Variants in CHCHD6 observed in about 807,000 individuals in gnomAD.
CHCHD6 encodes the protein coiled-coil-helix-coiled-coil-helix domain containing 6, also known as MICOS complex subunit MIC25.
In CHCHD6, 28 loss-of-function variants were observed where a neutral mutation model predicts 32.3. The ratio of observed to expected loss-of-function variants is 0.87; its 90% confidence interval spans 0.64 to 1.19. The LOEUF (loss-of-function observed/expected upper bound fraction) is 1.19, where lower values mean the gene tolerates loss of function less well. Ranked by LOEUF, CHCHD6 falls within the 50% of genes most tolerant of loss-of-function variation. CHCHD6 has a pLI of 0.00. For synonymous variants in CHCHD6, 122 were observed against 117.5 expected, an observed-to-expected ratio of 1.04 and a Z score of -0.25; for missense variants, 333 against 307.0, an observed-to-expected ratio of 1.08 and a Z score of -0.63.
At chr3:126,849,028 A>T (rs1179136874) in intron 4 of CHCHD6, among the ~76,000 whole-genome samples, 1 of 152,202 alleles carries the variant, frequency 6.6e-6, no homozygotes, top group Admixed American at 6.5e-5. Flanking sequence ...GGTCCTGGTG[A>T]TATTGCAGAG....
chr3:126,913,878 A>G (rs943958163), intron 5 of CHCHD6, among the ~76,000 whole-genome samples: 1 of 152,244 alleles, frequency 6.6e-6, no homozygotes, highest in East Asian at 1.9e-4. Context: ...GAGGCACAGC[A>G]AAGTTCCATA....
At chr3:126,887,903 C>T (rs1307423178) in intron 5 of CHCHD6, among the ~76,000 whole-genome samples, 1 of 152,220 alleles carries the variant, frequency 6.6e-6, no homozygotes, top group African/African-American at 2.4e-5. Flanking sequence ...AATCCACACC[C>T]ACTCTTCTTT....
chr3:126,929,668 C>A (rs886122421), intron 6 of CHCHD6, among the ~76,000 whole-genome samples: 1 of 152,040 alleles, frequency 6.6e-6, no homozygotes, highest in African/African-American at 2.4e-5. Flanking sequence ...TGGGTTCAAG[C>A]GATTCTCCTG....
At chr3:126,892,406 A>G (rs2077775183) in intron 5 of CHCHD6, among the ~76,000 whole-genome samples, 1 of 152,194 alleles carries the variant, frequency 6.6e-6, no homozygotes, top group Non-Finnish European at 1.5e-5. Context: ...ATTCTTCCAC[A>G]GCATCCCCAA....
At chr3:126,914,520 T>C (rs536389690) in intron 5 of CHCHD6, among the ~76,000 whole-genome samples, 160 bp from the exon 6 acceptor site, 3 of 152,344 alleles carry the variant, frequency 2.0e-5, no homozygotes, top group East Asian at 1.9e-4. Flanking sequence ...GCAGCAGCCA[T>C]GCGTGGTGGA....
intron 6 of CHCHD6, among the ~76,000 whole-genome samples, chr3:126,945,849 A>G (rs1200699889): frequency 6.6e-6 from 1 of 151,714 alleles, no homozygotes. Flanking sequence ...TGAGGGGGGA[A>G]GTGAATTAGC....
At chr3:126,830,265 C>T (rs1049464372) in intron 4 of CHCHD6, among the ~76,000 whole-genome samples, 1 of 152,136 alleles carries the variant, frequency 6.6e-6, no homozygotes, top group African/African-American at 2.4e-5. Flanking sequence ...TTGGCCACCT[C>T]GTGTCATTAT....
At chr3:126,801,046 T>C (rs1235563116) in intron 4 of CHCHD6, among the ~76,000 whole-genome samples, 1 of 152,120 alleles carries the variant, frequency 6.6e-6, no homozygotes, top group Non-Finnish European at 1.5e-5. Flanking sequence ...ATGACCAAAA[T>C]AAAAACCGAT....
intron 4 of CHCHD6, among the ~76,000 whole-genome samples, chr3:126,792,933 T>A (rs1454106392): frequency 2.6e-5 from 4 of 152,192 alleles, no homozygotes; most frequent in African/African-American, 9.6e-5. Context: ...GTTTGGTGCA[T>A]ACGCATTAAG....
rs79405521 is a variant in CHCHD6, at chr3:126,712,619, C to T, written c.87+8220C>T. On this transcript the variant is annotated intron_variant, in intron 1 of 7. Coordinates refer to ENST00000290913, the MANE Select transcript of CHCHD6 (RefSeq NM_032343.3). ...CCTCTATTGGAAGGGGTCGCTCCTG[C>T]TCTCCGCAGTGGCACTAGTGTCCAG... Among the ~76,000 whole-genome samples the T allele has an allele frequency of 1.2e-4, 19 of 152,310 alleles. No homozygotes were observed. The East Asian group carries it at 3.1e-3, about 25-fold the overall frequency.
intron 4 of CHCHD6, among the ~76,000 whole-genome samples, chr3:126,843,029 C>A (rs1357969390): frequency 6.6e-6 from 1 of 151,662 alleles, no homozygotes; most frequent in African/African-American, 2.4e-5. Flanking sequence ...AATATTACAC[C>A]AATAAGCATG....
chr3:126,731,264 C>T (rs1207312235), intron 3 of CHCHD6, among the ~76,000 whole-genome samples: 1 of 152,056 alleles, frequency 6.6e-6, no homozygotes, highest in Admixed American at 6.6e-5. Flanking sequence ...GAACTGGCTC[C>T]AGGATGTTGG....
intron 6 of CHCHD6, among the ~76,000 whole-genome samples, chr3:126,951,158 G>T (rs1433187745): frequency 1.3e-5 from 2 of 152,182 alleles, no homozygotes; most frequent in East Asian, 3.9e-4. Flanking sequence ...TTTATAAGGG[G>T]CTCTTCCCGC....
chr3:126,819,058 C>G (rs765562837), intron 4 of CHCHD6, among the ~76,000 whole-genome samples: 10 of 152,222 alleles, frequency 6.6e-5, no homozygotes, highest in Non-Finnish European at 8.8e-5. Context: ...TGTCCCCACC[C>G]CATGCATTCT....
chr3:126,919,115 A>G (rs961500071), intron 6 of CHCHD6, among the ~76,000 whole-genome samples: 2 of 152,154 alleles, frequency 1.3e-5, no homozygotes, highest in African/African-American at 4.8e-5. Flanking sequence ...ATGGTCCAGT[A>G]TATGATGTGC....
At chr3:126,741,234 C>T (rs1384414203) in intron 4 of CHCHD6, among the ~76,000 whole-genome samples, 1 of 152,150 alleles carries the variant, frequency 6.6e-6, no homozygotes, top group African/African-American at 2.4e-5. Context: ...GAGGGGCAGG[C>T]GGTGCTGTGC....
chr3:126,799,265 G>T (rs1198743305), intron 4 of CHCHD6, among the ~76,000 whole-genome samples: 1 of 152,164 alleles, frequency 6.6e-6, no homozygotes, highest in African/African-American at 2.4e-5. Context: ...AGATGGGTGT[G>T]GGCACTACAA....
At chr3:126,766,618 C>T (rs1559831303) in intron 4 of CHCHD6, 1 of 1,084,778 alleles carries the variant, frequency 9.2e-7, no homozygotes, top group Non-Finnish European at 1.4e-6. Context: ...TAGCCCAGTT[C>T]CCCGAAGGTC....
intron 7 of CHCHD6, among the ~76,000 whole-genome samples, chr3:126,959,912 C>T (rs1452889444): frequency 6.6e-6 from 1 of 152,200 alleles, no homozygotes. Flanking sequence ...GGGGCAGGGG[C>T]AGGGGACCTG....
Sources: allele counts gnomAD v4.1 joint callset (sites outside exome capture counted in the v4.1 genomes callset), GRCh38; gene constraint gnomAD v4.1.1; transcripts MANE v1.5; gene names NCBI Gene and HGNC (gene_info 2026-07-23, HGNC 2026-07-21).